The following DAP variants were observed in gnomAD, a reference collection of about 807,000 sequenced individuals.
The protein encoded by DAP is death-associated protein 1.
In DAP, 8 loss-of-function variants were observed where a neutral mutation model predicts 13.8. That is an observed-to-expected ratio of 0.58 (90% CI 0.34 to 1.05). The LOEUF is 1.05. Ranked by LOEUF, DAP falls within the 50% of genes least tolerant of loss-of-function variation. The pLI is 0.03. For synonymous variants in DAP, 47 were observed against 47.5 expected (o/e 0.99, Z 0.04); for missense variants, 106 against 133.2 (o/e 0.80, Z 1.01).
chr5:10,725,132 T>C (rs5745214), intron 2 of DAP, among the ~76,000 whole-genome samples: 1 of 152,220 alleles, frequency 6.6e-6, no homozygotes, highest in Admixed American at 6.5e-5. Context: ...TTGGGCCCAT[T>C]TGGCACCACC....
intron 2 of DAP, among the ~76,000 whole-genome samples, chr5:10,700,526 A>G (rs1738551222): frequency 6.6e-6 from 1 of 152,194 alleles, no homozygotes; most frequent in African/African-American, 2.4e-5. Context: ...GCTGAGGCAC[A>G]GGTTCTGGTG....
At chr5:10,691,860 C>T (rs1469031466) in intron 2 of DAP, among the ~76,000 whole-genome samples, 1 of 152,228 alleles carries the variant, frequency 6.6e-6, no homozygotes, top group African/African-American at 2.4e-5. Flanking sequence ...TGTCCGTGCA[C>T]GTGGGTCTCT....
Position 10,680,342 on chromosome 5 carries a change from G to A in DAP, c.*714C>T. 4.4e-6 allele frequency: 1 copy of A among 225,228 alleles called. No individual in the cohort carries two copies. The highest frequency in any genetic ancestry group is 7.7e-5 in the South Asian group (1 of 13,060). 14.0% of individuals were successfully genotyped at this position (225,228 alleles called of 1,614,324 possible). A position where few individuals can be genotyped will look rare whatever the true frequency, so the allele number is the denominator to read the frequency against. ...AGCCCTTGCTTGATCTCCTGGTGGA[G>A]CCTGTCTGGGCTGAGGCGATGCTGG... On this transcript the variant is annotated 3_prime_UTR_variant, in exon 4 of 4. Coordinates refer to ENST00000230895, the MANE Select transcript of DAP (RefSeq NM_004394.3).
At chr5:10,705,336 G>A (rs139751973) in intron 2 of DAP, among the ~76,000 whole-genome samples, 173 of 152,290 alleles carry the variant, frequency 1.1e-3, no homozygotes, top group African/African-American at 3.9e-3. Context: ...GTTTTACCTC[G>A]GAGGCTAAAT....
intron 1 of DAP, among the ~76,000 whole-genome samples, chr5:10,758,450 G>A (rs267930): frequency 0.5 from 74,902 of 151,230 alleles, 21,065 homozygotes; most frequent in Non-Finnish European, 0.64. Flanking sequence ...GCATTTGAGG[G>A]GTGCTGCTAT....
chr5:10,681,889 C>T (rs1380698708), intron 3 of DAP, among the ~76,000 whole-genome samples: 4 of 151,252 alleles, frequency 2.6e-5, no homozygotes, highest in Non-Finnish European at 5.9e-5. Flanking sequence ...AAGCCCCAGA[C>T]CAGCGCCCAC....
intron 2 of DAP, among the ~76,000 whole-genome samples, chr5:10,741,644 A>G (rs1353844279): frequency 6.6e-6 from 1 of 152,228 alleles, no homozygotes; most frequent in Non-Finnish European, 1.5e-5. Context: ...GCTTTTCTAT[A>G]AAGGGCGAGA....
chr5:10,686,383 G>A (rs750276109), intron 2 of DAP, among the ~76,000 whole-genome samples: 5 of 150,686 alleles, frequency 3.3e-5, no homozygotes. Flanking sequence ...CCAGCTTAGC[G>A]AGGAAGACAT....
At chr5:10,727,596 G>A (rs1365917449) in intron 2 of DAP, among the ~76,000 whole-genome samples, 1 of 152,180 alleles carries the variant, frequency 6.6e-6, no homozygotes, top group Non-Finnish European at 1.5e-5. Context: ...TGATTCCCTG[G>A]TTCTGGCTTG....
intron 1 of DAP, 134 bp from the exon 2 acceptor site, chr5:10,748,405 A>T (rs1739966185): frequency 5.8e-6 from 4 of 694,518 alleles, no homozygotes; most frequent in African/African-American, 1.8e-5. Context: ...AAAATGATTA[A>T]CTAGGGAAGG....
chr5:10,755,773 A>G (rs1740167274), intron 1 of DAP, among the ~76,000 whole-genome samples: 1 of 152,260 alleles, frequency 6.6e-6, no homozygotes, highest in South Asian at 2.1e-4. Context: ...AGCAGTCACA[A>G]AACCAAGTAA....
chr5:10,759,183 A>T lies in DAP; in HGVS notation c.55+1831T>A, dbSNP rs192479584. On this transcript the variant is annotated intron_variant, in intron 1 of 3. Transcript: ENST00000230895. Reference sequence around the variant, plus strand: ...AGGTGACAGAGTGAGACTCTGTTTCAAAAAACAAAACAAAAAACTTCTTTA... The same window carrying T: ...AGGTGACAGAGTGAGACTCTGTTTCTAAAAACAAAACAAAAAACTTCTTTA... Among the ~76,000 whole-genome samples, 5 of 152,368 alleles carry T rather than the reference A, an allele frequency of 3.3e-5. No homozygotes were observed. The East Asian group carries it at 9.6e-4, about 29-fold the overall frequency.
chr5:10,704,789 G>A (rs944943679), intron 2 of DAP, among the ~76,000 whole-genome samples: 9 of 151,946 alleles, frequency 5.9e-5, no homozygotes, highest in South Asian at 2.1e-4. Flanking sequence ...TCTTTCCTGC[G>A]CAGTGTACAG....
intron 2 of DAP, among the ~76,000 whole-genome samples, chr5:10,733,594 G>T (rs1007295893): frequency 6.6e-6 from 1 of 152,072 alleles, no homozygotes; most frequent in Non-Finnish European, 1.5e-5. Context: ...ACTCCAGCCC[G>T]TATTAATTCC....
chr5:10,719,186 G>A (rs1039706083), intron 2 of DAP, among the ~76,000 whole-genome samples: 1 of 152,242 alleles, frequency 6.6e-6, no homozygotes, highest in Non-Finnish European at 1.5e-5. Context: ...ACAATGCCTA[G>A]GGGGCCTATT....
chr5:10,695,053 T>G lies in DAP; in HGVS notation c.153-11482A>C, dbSNP rs141594930. Among the ~76,000 whole-genome samples the G allele has an allele frequency of 1.5e-3, 223 of 152,352 alleles. 2 individuals carry two copies. Among genetic ancestry groups the G allele is most frequent in the African/African-American group, 5.0e-3 (209 of 41,590 alleles). ...AAATACCTTCTTGGCTTGGTCTTAA[T>G]TTATTTGGGCTATTAATTTTCTGGA... On this transcript the variant is annotated intron_variant, in intron 2 of 3. Coordinates refer to ENST00000230895, the MANE Select transcript of DAP (RefSeq NM_004394.3).
intron 2 of DAP, among the ~76,000 whole-genome samples, chr5:10,737,670 A>T (rs772299683): frequency 6.6e-6 from 1 of 152,212 alleles, no homozygotes; most frequent in Non-Finnish European, 1.5e-5. Flanking sequence ...GAAGTTTTAA[A>T]TTTTCTATTT....
At chr5:10,692,461 C>T (rs1228167446) in intron 2 of DAP, among the ~76,000 whole-genome samples, 1 of 152,116 alleles carries the variant, frequency 6.6e-6, no homozygotes, top group Non-Finnish European at 1.5e-5. Context: ...GGATGTCTCC[C>T]AGGTGGGCCG....
chr5:10,702,948 T>C (rs1738617798), intron 2 of DAP, among the ~76,000 whole-genome samples: 1 of 152,224 alleles, frequency 6.6e-6, no homozygotes, highest in Admixed American at 6.5e-5. Flanking sequence ...ACCCTGAGCA[T>C]AAACGATCTG....
Sources: allele counts gnomAD v4.1 joint callset (sites outside exome capture counted in the v4.1 genomes callset), GRCh38; gene constraint gnomAD v4.1.1; transcripts MANE v1.5; gene names NCBI Gene and HGNC (gene_info 2026-07-23, HGNC 2026-07-21).